MAPT: variants seen among roughly 807,000 people sequenced by gnomAD.
The protein encoded by MAPT is microtubule-associated protein tau.
In MAPT, 34 loss-of-function variants were observed where a neutral mutation model predicts 67.9. That is an observed-to-expected ratio of 0.50 (90% confidence interval 0.38 to 0.67). The LOEUF (loss-of-function observed/expected upper bound fraction) is 0.67. Ranked by LOEUF, MAPT falls within the 30% of genes least tolerant of loss-of-function variation. The pLI, the probability that MAPT is intolerant of heterozygous loss-of-function variation, is 0.00. For synonymous variants in MAPT, 456 were observed against 464.5 expected (o/e 0.98, Z 0.23); for missense variants, 881 against 1,115.2 (o/e 0.79, Z 2.99).
chr17:45,904,896 A>G (rs1399308993), intron 1 of MAPT, among the ~76,000 whole-genome samples: 1 of 152,156 alleles, frequency 6.6e-6, no homozygotes, highest in Non-Finnish European at 1.5e-5. Flanking sequence ...ACTGTTGTCT[A>G]TAACCTCCTG....
intron 1 of MAPT, among the ~76,000 whole-genome samples, chr17:45,945,931 A>G (rs114410389): frequency 0.017 from 2,529 of 152,330 alleles, 62 homozygotes; most frequent in African/African-American, 0.058. Context: ...ATGTGTGCAT[A>G]GGAGAGGGGT....
chr17:45,941,632 CT>C (rs2067889144), intron 1 of MAPT, among the ~76,000 whole-genome samples: 10 of 119,554 alleles, frequency 8.4e-5, no homozygotes, highest in African/African-American at 3.0e-4. Flanking sequence ...CCCTCCTTCC[CT>C]CTTTCCCTCC....
intron 9 of MAPT, among the ~76,000 whole-genome samples, chr17:46,003,099 C>CGTGTGTGTGT (rs72293848): frequency 1.4e-4 from 20 of 145,372 alleles, no homozygotes; most frequent in South Asian, 4.5e-4. Context: ...TTTTTAAGGG[C>CGTGTGTGTGT]GTGTGTGTGT....
rs1213684476 is a variant in MAPT, at chr17:46,010,604, T to G, written c.2091+202T>G. ...TGTTCCCAGAAGCCCCTTCCTCATA[T>G]TCTAGGAGGGGGTGTCCCAGCATTT... On this transcript the variant is annotated intron_variant, in intron 10 of 12. Transcript: ENST00000262410. This position sits in a 1 kb window ranked among gnomAD's most constrained non-coding sequence, Gnocchi z 4.7. 6.6e-6 allele frequency among the ~76,000 whole-genome samples: 1 copy of G among 152,146 alleles called. No individual in the cohort carries two copies. The highest frequency in any genetic ancestry group is 1.5e-5 in the Non-Finnish European group (1 of 68,006).
intron 1 of MAPT, among the ~76,000 whole-genome samples, chr17:45,959,337 A>G (rs1298646367): frequency 2.0e-5 from 3 of 152,238 alleles, no homozygotes; most frequent in Non-Finnish European, 4.4e-5. Flanking sequence ...TCTTTCATCT[A>G]TAAGCACAAA....
At chr17:45,911,578 T>C (rs1478071677) in intron 1 of MAPT, among the ~76,000 whole-genome samples, 1 of 151,550 alleles carries the variant, frequency 6.6e-6, no homozygotes, top group African/African-American at 2.4e-5. Flanking sequence ...CTGGGCAACA[T>C]AGGGAGACCC....
rs185462424 is a variant in MAPT at position 45,936,688 on chromosome 17, C to T, written c.-17-25633C>T. Among the ~76,000 whole-genome samples the T allele has an allele frequency of 3.7e-3, 558 of 152,328 alleles. 1 individual carries two copies. Among genetic ancestry groups the T allele is most frequent in the Non-Finnish European group, 6.3e-3 (431 of 68,042 alleles). ...TAACTGAAGAGACTAATGGACGGGTCTGAATTTGTGCCTTTTAAGCACAAA... is the reference window on the plus strand; with the variant it reads ...TAACTGAAGAGACTAATGGACGGGTTTGAATTTGTGCCTTTTAAGCACAAA... On this transcript the variant is annotated intron_variant, in intron 1 of 12. Coordinates refer to ENST00000262410, the MANE Select transcript of MAPT (RefSeq NM_001377265.1).
chr17:45,904,941 C>T (rs1280246695), intron 1 of MAPT, among the ~76,000 whole-genome samples: 5 of 152,036 alleles, frequency 3.3e-5, no homozygotes, highest in Non-Finnish European at 7.4e-5. Context: ...ATGGTGTAGT[C>T]GCATGTGAAC....
At chr17:45,926,982 T>C (rs1267983562) in intron 1 of MAPT, among the ~76,000 whole-genome samples, 12 of 151,436 alleles carry the variant, frequency 7.9e-5, no homozygotes, top group Admixed American at 5.9e-4. Context: ...TATGTGTATA[T>C]ATATACACAC....
Position 45,996,164 on chromosome 17 carries a change from A to T in MAPT, c.1733-235A>T, listed in dbSNP as rs561016358. Among the ~76,000 whole-genome samples, 19 of 152,228 alleles carry T rather than the reference A, an allele frequency of 1.2e-4. No individual in the cohort carries two copies. The highest frequency in any genetic ancestry group is 4.6e-4 in the African/African-American group (19 of 41,546). ...GGGAGCGGGTATTGGATGGTGGTTG[A>T]TGGTTTTCCATTGCTTTCCTGGGAA... On this transcript the variant is annotated intron_variant, in intron 8 of 12. Transcript: ENST00000262410. This position sits in a 1 kb window ranked among gnomAD's most constrained non-coding sequence, Gnocchi z 4.5.
chr17:45,908,538 C>G (rs1024471532), intron 1 of MAPT, among the ~76,000 whole-genome samples: 11 of 152,156 alleles, frequency 7.2e-5, no homozygotes, highest in Non-Finnish European at 7.4e-5. Context: ...TACCTGATCC[C>G]CCTTCCTCAA....
At chr17:45,949,211 G>C (rs2068810332) in intron 1 of MAPT, among the ~76,000 whole-genome samples, 1 of 152,262 alleles carries the variant, frequency 6.6e-6, no homozygotes, top group African/African-American at 2.4e-5. Context: ...CCTGGTGCGC[G>C]GCGGCGGAGC....
intron 8 of MAPT, chr17:45,993,893 A>G: frequency 6.4e-7 from 1 of 1,550,526 alleles, no homozygotes. Flanking sequence ...GCCTGATGAT[A>G]ATAAGGCTTT....
In MAPT at chr17:45,982,971, T is replaced by C; in HGVS notation, c.392T>C (p.Val131Ala). The part of the protein sequence containing the change: ...QPGPCGEASG[V>A]SGPCLGEKEP... ...GGACCCTGCGGAGAGGCCTCTGGGG[T>C]CTCTGGGCCGTGCCTCGGGGAGAAA... The change falls in exon 5 of 13, where the codon GTC becomes GCC. Residue 131 changes from valine (V) to alanine (A), a missense_variant. This residue lies in a region of MAPT where 687 missense variants were observed against 766.1 expected (regional missense o/e 0.90). Coordinates refer to ENST00000262410, the MANE Select transcript of MAPT (RefSeq NM_001377265.1). 7.0e-7 allele frequency: 1 copy of C among 1,431,186 alleles called. No individual in the cohort carries two copies. The highest frequency in any genetic ancestry group is 2.6e-4 in the Middle Eastern group (1 of 3,860). The allele number at this position is 1,431,186 out of a possible 1,614,324, so 88.7% of individuals were successfully genotyped here.
At chr17:45,989,552 G>A (rs539487158) in intron 6 of MAPT, among the ~76,000 whole-genome samples, 3 of 152,336 alleles carry the variant, frequency 2.0e-5, no homozygotes, top group African/African-American at 7.2e-5. Context: ...TCGGGAGGCT[G>A]AGGCAGGAGA....
chr17:45,898,375 A>T (rs1360962689), intron 1 of MAPT: 2 of 152,228 alleles, frequency 1.3e-5, no homozygotes, highest in African/African-American at 4.8e-5. Flanking sequence ...AAATTGTTAG[A>T]AAACTTAGAA....
At position 45,915,502 on chromosome 17, in the gene MAPT, G is replaced by A. The variant is rs1290695464; in HGVS notation, c.-18+20816G>A. Among the ~76,000 whole-genome samples the A allele has an allele frequency of 6.6e-6, 1 of 151,204 alleles. No homozygotes were observed. Among genetic ancestry groups the A allele is most frequent in the East Asian group, 1.9e-4 (1 of 5,168 alleles). On this transcript the variant is annotated intron_variant, in intron 1 of 12. Transcript: ENST00000262410. The surrounding 1 kb of genome is among the most constrained non-coding windows in gnomAD (Gnocchi z 4.4). ...GTGTTGTGATATGTGTGTGGTGTGT[G>A]AGCATGTGTGTGTGATGTGTCTGTG... is the stretch of plus-strand genomic sequence containing the variant.
chr17:45,902,280 AGGCT>A (rs2063667590), intron 1 of MAPT, among the ~76,000 whole-genome samples: 1 of 152,160 alleles, frequency 6.6e-6, no homozygotes, highest in South Asian at 2.1e-4. Flanking sequence ...CATGTTGGCC[AGGCT>A]GGTCCCGAAC....
At chr17:46,005,534 A>G (rs1376270385) in intron 9 of MAPT, among the ~76,000 whole-genome samples, 1 of 152,244 alleles carries the variant, frequency 6.6e-6, no homozygotes, top group Non-Finnish European at 1.5e-5. Context: ...ACTTGAGCCC[A>G]GGAATTTGAG....
Sources: allele counts gnomAD v4.1 joint callset (sites outside exome capture counted in the v4.1 genomes callset), GRCh38; gene constraint gnomAD v4.1.1; regional missense constraint gnomAD v4.1.1; non-coding constraint Gnocchi (gnomAD v3.1); transcripts MANE v1.5; gene names NCBI Gene and HGNC (gene_info 2026-07-23, HGNC 2026-07-21).